The following EFNA5 variants were observed in gnomAD, a reference collection of about 807,000 sequenced individuals.
EFNA5 encodes ephrin A5, also known as ephrin-A5.
EFNA5 carries 5 observed loss-of-function variants against 22.9 expected under a neutral mutation model. That is an observed-to-expected ratio of 0.22 (90% CI 0.11 to 0.46). The LOEUF (loss-of-function observed/expected upper bound fraction) is 0.46. Ranked by LOEUF, EFNA5 falls within the 20% of genes least tolerant of loss-of-function variation. The pLI, the probability that EFNA5 is intolerant of heterozygous loss-of-function variation, is 0.99. For synonymous variants in EFNA5, 113 were observed against 112.2 expected, an observed-to-expected ratio of 1.01 and a Z score of -0.04; for missense variants, 237 against 293.3, an observed-to-expected ratio of 0.81 and a Z score of 1.40.
At chr5:107,498,731 A>G (rs1318281823) in intron 1 of EFNA5, among the ~76,000 whole-genome samples, 1 of 152,180 alleles carries the variant, frequency 6.6e-6, no homozygotes, top group African/African-American at 2.4e-5. Context: ...GTTGAATGCC[A>G]TGAAGCTAGC....
chr5:107,434,273 C>T (rs892034007), intron 1 of EFNA5, among the ~76,000 whole-genome samples: 2 of 152,174 alleles, frequency 1.3e-5, no homozygotes, highest in African/African-American at 4.8e-5. Flanking sequence ...TAGATACCAC[C>T]TCGCTTTTCT....
At position 107,651,507 on chromosome 5, in the gene EFNA5, TA is replaced by T. The variant is rs374739001; in HGVS notation, c.125+18981del. Among the ~76,000 whole-genome samples, 57 of 152,144 alleles carry T rather than the reference TA, an allele frequency of 3.7e-4. No homozygotes were observed. In the East Asian group the frequency reaches 5.4e-3, roughly 14 times the overall value. On this transcript the variant is annotated intron_variant, in intron 1 of 4. Transcript: ENST00000333274. ...TTTGAAAACATGATTCAAAGAGCCA[TA>T]GGGGGTCCTCGCAGGCCTCTCAAGA...
intron 2 of EFNA5, among the ~76,000 whole-genome samples, chr5:107,401,430 A>G (rs1748081636): frequency 6.6e-6 from 1 of 152,166 alleles, no homozygotes; most frequent in South Asian, 2.1e-4. Flanking sequence ...ATTTGGTGTA[A>G]CTCATATTTC....
intron 1 of EFNA5, among the ~76,000 whole-genome samples, chr5:107,573,017 C>T (rs561123042): frequency 6.6e-6 from 1 of 152,142 alleles, no homozygotes; most frequent in Non-Finnish European, 1.5e-5. Flanking sequence ...CAGCTAGGCG[C>T]CATCCGTTAA....
At chr5:107,460,324 C>G (rs78706551) in intron 1 of EFNA5, among the ~76,000 whole-genome samples, 3,947 of 152,178 alleles carry the variant, frequency 0.026, 154 homozygotes, top group African/African-American at 0.089. Context: ...AAAGGATTAT[C>G]GGCCCTAACC....
intron 1 of EFNA5, among the ~76,000 whole-genome samples, chr5:107,603,591 C>G (rs1749649693): frequency 6.6e-6 from 1 of 152,228 alleles, no homozygotes; most frequent in Admixed American, 6.5e-5. Context: ...TAACGACCAG[C>G]TCCAACAACA....
chr5:107,572,555 A>G (rs1025764680), intron 1 of EFNA5, among the ~76,000 whole-genome samples: 2 of 152,224 alleles, frequency 1.3e-5, no homozygotes, highest in African/African-American at 4.8e-5. Context: ...ACTGGAGAAA[A>G]TCTGGACTAA....
At chr5:107,523,619 C>T (rs143070953) in intron 1 of EFNA5, among the ~76,000 whole-genome samples, 292 of 152,328 alleles carry the variant, frequency 1.9e-3, no homozygotes, top group African/African-American at 6.1e-3. Context: ...GAGGCTCTAT[C>T]GTTAACGGAG....
intron 4 of EFNA5, among the ~76,000 whole-genome samples, chr5:107,381,703 T>A (rs957854061): frequency 2.0e-5 from 3 of 152,184 alleles, no homozygotes; most frequent in African/African-American, 7.2e-5. Context: ...TATCTGAATG[T>A]ACCTTTGAAA....
chr5:107,457,775 A>G (rs2112452521), intron 1 of EFNA5, among the ~76,000 whole-genome samples: 1 of 152,308 alleles, frequency 6.6e-6, no homozygotes, highest in African/African-American at 2.4e-5. Flanking sequence ...CAATTTCTAT[A>G]AACACACAAT....
intron 1 of EFNA5, among the ~76,000 whole-genome samples, chr5:107,483,444 G>A (rs972047200): frequency 2.0e-5 from 3 of 152,152 alleles, no homozygotes; most frequent in Non-Finnish European, 2.9e-5. Context: ...TATCCGTCTC[G>A]GATTCTAGAC....
intron 1 of EFNA5, among the ~76,000 whole-genome samples, chr5:107,488,387 G>A (rs1746702429): frequency 6.6e-6 from 1 of 152,166 alleles, no homozygotes; most frequent in Admixed American, 6.5e-5. Context: ...AATCCCCAAA[G>A]TCAAAGACGG....
intron 1 of EFNA5, among the ~76,000 whole-genome samples, chr5:107,654,903 T>C (rs985984238): frequency 6.6e-6 from 1 of 152,028 alleles, no homozygotes; most frequent in African/African-American, 2.4e-5. Context: ...ATTTACCATA[T>C]TAATAAAAGC....
At chr5:107,589,475 TAC>T (rs371606425) in intron 1 of EFNA5, among the ~76,000 whole-genome samples, 4 of 151,392 alleles carry the variant, frequency 2.6e-5, no homozygotes, top group South Asian at 2.1e-4. Context: ...TAAACATATA[TAC>T]ACACACACAC....
chr5:107,449,066 G>A (rs937139050), intron 1 of EFNA5, among the ~76,000 whole-genome samples: 6 of 151,754 alleles, frequency 4.0e-5, no homozygotes, highest in African/African-American at 7.3e-5. Context: ...TGAAAAATAA[G>A]GTGTCCTAAA....
At chr5:107,504,056 A>T (rs1580500142) in intron 1 of EFNA5, among the ~76,000 whole-genome samples, 1 of 152,192 alleles carries the variant, frequency 6.6e-6, no homozygotes, top group East Asian at 1.9e-4. Flanking sequence ...AACATTTTCA[A>T]ACATCAGTTA....
chr5:107,636,367 T>C (rs1561455892), intron 1 of EFNA5, among the ~76,000 whole-genome samples: 2 of 152,248 alleles, frequency 1.3e-5, no homozygotes, highest in Admixed American at 6.5e-5. Flanking sequence ...CAGAATTTAA[T>C]ATTTCATGGA....
chr5:107,615,735 T>C (rs1004891628), intron 1 of EFNA5, among the ~76,000 whole-genome samples: 1 of 152,178 alleles, frequency 6.6e-6, no homozygotes, highest in Non-Finnish European at 1.5e-5. Flanking sequence ...ATCATTCTTT[T>C]AGCTCATGAC....
chr5:107,615,874 A>T (rs555505786), intron 1 of EFNA5, among the ~76,000 whole-genome samples: 60 of 152,286 alleles, frequency 3.9e-4, no homozygotes, highest in African/African-American at 1.4e-3. Context: ...TTAGACACAC[A>T]CACCTTGTTT....
Sources: gnomAD v4.1 joint callset for allele counts (sites outside exome capture counted in the v4.1 genomes callset) on GRCh38, gnomAD v4.1.1 for gene constraint, MANE v1.5 for transcripts, NCBI Gene and HGNC (gene_info 2026-07-23, HGNC 2026-07-21) for gene names.